MYO1H: variants seen among roughly 807,000 people sequenced by gnomAD.
The protein encoded by MYO1H is unconventional myosin-Ih.
Under a neutral mutation model 149.3 loss-of-function variants are expected in MYO1H, and 118 were observed. The ratio of observed to expected loss-of-function variants is 0.79; its 90% confidence interval spans 0.68 to 0.92. MYO1H has a LOEUF of 0.92. MYO1H is among the 40% of genes least tolerant of loss of function. The pLI, the probability that MYO1H is intolerant of heterozygous loss-of-function variation, is 0.00. For synonymous variants in MYO1H, 447 were observed against 465.2 expected (o/e 0.96, Z 0.50); for missense variants, 1,212 against 1,280.7 (o/e 0.95, Z 0.82).
chr12:109,423,195 G>C (rs539400170), intron 16 of MYO1H, among the ~76,000 whole-genome samples: 1 of 152,094 alleles, frequency 6.6e-6, no homozygotes, highest in Non-Finnish European at 1.5e-5. Context: ...GTCTCACTCT[G>C]TCACCCAGGC....
intron 1 of MYO1H, among the ~76,000 whole-genome samples, chr12:109,361,813 CAAAAAAAAAAAAAAAA>C (rs35915417): frequency 7.0e-5 from 4 of 56,824 alleles, no homozygotes; most frequent in Non-Finnish European, 1.3e-4. Context: ...CCTTGTCTCA[CAAAAAAAAAAAAAAAA>C]AAAAAAAAAA....
intron 29 of MYO1H, 29 bp downstream of exon 29, chr12:109,444,312 AAGAC>A: frequency 6.2e-7 from 1 of 1,605,124 alleles, no homozygotes; most frequent in Non-Finnish European, 8.5e-7. Context: ...TCTCTACTAA[AAGAC>A]AGAAACAATA....
intron 28 of MYO1H, among the ~76,000 whole-genome samples, chr12:109,443,880 T>G (rs1253269980): frequency 6.6e-6 from 1 of 150,752 alleles, no homozygotes; most frequent in African/African-American, 2.4e-5. Context: ...CCAGCCTGGG[T>G]GGCAAAGTGA....
At chr12:109,420,860 G>A (rs11066538) in intron 15 of MYO1H, 121 bp from the exon 16 acceptor site, 98,491 of 692,038 alleles carry the variant, frequency 0.14, 8,217 homozygotes, top group African/African-American at 0.29. Context: ...CCAAGGTTGA[G>A]AAACTATGAG....
upstream of MYO1H, among the ~76,000 whole-genome samples, chr12:109,345,753 A>G (rs2048100828): frequency 6.6e-6 from 1 of 152,206 alleles, no homozygotes; most frequent in Non-Finnish European, 1.5e-5. Context: ...TCCATACCAG[A>G]GGCATTATGT....
the MYO1H span, among the ~76,000 whole-genome samples, chr12:109,310,932 A>G: frequency 1.3e-5 from 2 of 152,184 alleles, no homozygotes; most frequent in Admixed American, 6.5e-5. Context: ...ACCGGTTAGG[A>G]AAGTGGTTTA....
chr12:109,326,596 A>G, the MYO1H span, among the ~76,000 whole-genome samples: 7 of 151,588 alleles, frequency 4.6e-5, no homozygotes, highest in Admixed American at 2.6e-4. Flanking sequence ...ATCTTGGCTC[A>G]CTGCAACCTC....
intron 30 of MYO1H, 78 bp downstream of exon 30, chr12:109,444,607 C>T (rs188299558): frequency 5.7e-5 from 65 of 1,134,742 alleles, no homozygotes; most frequent in Non-Finnish European, 8.2e-5. Context: ...TGGCTCATGC[C>T]TATAATCCCA....
At chr12:109,388,136 C>G in intron 1 of MYO1H, among the ~76,000 whole-genome samples, 2 of 152,052 alleles carry the variant, frequency 1.3e-5, no homozygotes, top group Admixed American at 1.3e-4. Flanking sequence ...GTGAGAATTA[C>G]AAAGTGAGTT....
At chr12:109,339,032 G>A in the MYO1H span, among the ~76,000 whole-genome samples, 4 of 152,126 alleles carry the variant, frequency 2.6e-5, no homozygotes, top group Non-Finnish European at 4.4e-5. Context: ...TGCTTCATAT[G>A]TAAATTTTCA....
chr12:109,334,330 G>C, the MYO1H span, among the ~76,000 whole-genome samples: 12 of 152,032 alleles, frequency 7.9e-5, no homozygotes, highest in Non-Finnish European at 8.8e-5. Flanking sequence ...CTACTTATTT[G>C]TTTACTTATT....
chr12:109,434,484 ACT>A (rs1366569150), intron 20 of MYO1H, among the ~76,000 whole-genome samples: 2 of 152,062 alleles, frequency 1.3e-5, no homozygotes, highest in South Asian at 2.1e-4. Context: ...ACAAACTGAG[ACT>A]CTGTTTCAAA....
At chr12:109,430,936 T>TAG (rs1871585072) in intron 19 of MYO1H, among the ~76,000 whole-genome samples, 1 of 137,780 alleles carries the variant, frequency 7.3e-6, no homozygotes. Flanking sequence ...AAAATATATA[T>TAG]ACATGTATTT....
chr12:109,389,605 A>G (rs1245202270), intron 2 of MYO1H, among the ~76,000 whole-genome samples: 1 of 152,184 alleles, frequency 6.6e-6, no homozygotes, highest in South Asian at 2.1e-4. Flanking sequence ...ATCTTGTCAC[A>G]TCTAGTTTTT....
intron 13 of MYO1H, among the ~76,000 whole-genome samples, chr12:109,411,325 ACTC>A (rs1361055558): frequency 6.6e-6 from 1 of 151,708 alleles, no homozygotes; most frequent in Non-Finnish European, 1.5e-5. Flanking sequence ...CTGGTCTTGA[ACTC>A]CTGGGCTCAA....
chr12:109,312,436 T>C, the MYO1H span, among the ~76,000 whole-genome samples: 1 of 151,632 alleles, frequency 6.6e-6, no homozygotes, highest in Non-Finnish European at 1.5e-5. Context: ...GGGGTTTCAC[T>C]GTGTTAGCCA....
chr12:109,442,748 C>T (rs376049628), intron 27 of MYO1H, among the ~76,000 whole-genome samples: 19 of 149,096 alleles, frequency 1.3e-4, no homozygotes, highest in South Asian at 4.2e-4. Context: ...CTGCCTGGCA[C>T]GCAGCAGCAG....
At chr12:109,410,054 A>G (rs1256332736) in exon 12 of MYO1H, 5 of 1,525,796 alleles carry the variant, frequency 3.3e-6, no homozygotes, top group Non-Finnish European at 4.4e-6. Flanking sequence ...AGAATATGAA[A>G]TGGAAGGCAT....
the MYO1H span, among the ~76,000 whole-genome samples, chr12:109,327,747 A>AAG: frequency 2.0e-5 from 3 of 150,872 alleles, no homozygotes; most frequent in Admixed American, 2.0e-4. Flanking sequence ...CTCAAAAAAA[A>AAG]AAAAAAAAAA....
Sources: allele counts gnomAD v4.1 joint callset (sites outside exome capture counted in the v4.1 genomes callset), GRCh38; gene constraint gnomAD v4.1.1; transcripts MANE v1.5; gene names NCBI Gene and HGNC (gene_info 2026-07-23, HGNC 2026-07-21).